Variants in SEZ6L observed in about 807,000 individuals in gnomAD.
SEZ6L encodes the protein seizure related 6 homolog like.
SEZ6L carries 37 observed loss-of-function variants against 106.2 expected under a neutral mutation model. The observed-to-expected ratio is 0.35, with a 90% CI of 0.27 to 0.46. The LOEUF is 0.46. Ranked by LOEUF, SEZ6L falls within the 20% of genes least tolerant of loss-of-function variation. SEZ6L has a pLI of 1.00. For missense variants in SEZ6L, 1,172 were observed against 1,332.8 expected (o/e 0.88, Z 1.88); for synonymous variants, 541 against 570.4 (o/e 0.95, Z 0.73).
intron 9 of SEZ6L, among the ~76,000 whole-genome samples, chr22:26,327,538 C>A (rs538752348): frequency 6.8e-6 from 1 of 147,040 alleles, no homozygotes; most frequent in South Asian, 2.2e-4. Context: ...ACACTACACA[C>A]ACACACCACA....
chr22:26,309,910 CA>C (rs1455457652), intron 6 of SEZ6L, among the ~76,000 whole-genome samples: 1 of 89,592 alleles, frequency 1.1e-5, no homozygotes, highest in African/African-American at 4.3e-5. Flanking sequence ...ACCCATTTTA[CA>C]GATGAGAAAA....
In SEZ6L at chr22:26,311,938, A is replaced by T. The variant is rs1205289703; in HGVS notation, c.1852A>T (p.Asn618Tyr). 6.2e-7 allele frequency: 1 copy of T among 1,614,074 alleles called. No individual in the cohort carries two copies. The highest frequency in any genetic ancestry group is 8.5e-7 in the Non-Finnish European group (1 of 1,180,004). ...ECINVRDPYW[N>Y]DTEPLCRAMC... ...CATCAATGTGCGGGACCCATACTGG[A>T]ATGACACAGAGCCCCTGTGCAGAGG... Residue 618 changes from asparagine (N) to tyrosine (Y), a missense_variant, in exon 8 of 17, where the codon AAT becomes TAT. Coordinates refer to ENST00000248933, the MANE Select transcript of SEZ6L (RefSeq NM_021115.5).
At chr22:26,178,716 A>C (rs928615263) in intron 1 of SEZ6L, among the ~76,000 whole-genome samples, 1 of 152,152 alleles carries the variant, frequency 6.6e-6, no homozygotes, top group African/African-American at 2.4e-5. Flanking sequence ...CGTACACCAT[A>C]ATAAAAAAGA....
chr22:26,355,558 C>T (rs2083412618), intron 12 of SEZ6L, among the ~76,000 whole-genome samples: 1 of 152,096 alleles, frequency 6.6e-6, no homozygotes. Flanking sequence ...GTGAAACCCC[C>T]GTCTCTACTA....
chr22:26,255,729 A>G (rs1602181252), intron 1 of SEZ6L, among the ~76,000 whole-genome samples: 1 of 152,236 alleles, frequency 6.6e-6, no homozygotes, highest in Non-Finnish European at 1.5e-5. Context: ...CAGAGGCAGG[A>G]GAGGGTAACG....
At chr22:26,303,486 G>C (rs1601437327) in intron 5 of SEZ6L, among the ~76,000 whole-genome samples, 1 of 152,172 alleles carries the variant, frequency 6.6e-6, no homozygotes, top group Non-Finnish European at 1.5e-5. Flanking sequence ...GGATTAGCAG[G>C]TTATCATAAA....
intron 11 of SEZ6L, among the ~76,000 whole-genome samples, chr22:26,348,274 T>C (rs2083075349): frequency 6.6e-6 from 1 of 151,730 alleles, no homozygotes; most frequent in Non-Finnish European, 1.5e-5. Flanking sequence ...GGTGGGAGGA[T>C]CACTTGAGCC....
intron 1 of SEZ6L, among the ~76,000 whole-genome samples, chr22:26,212,018 C>T (rs917052366): frequency 1.3e-5 from 2 of 151,784 alleles, no homozygotes; most frequent in African/African-American, 4.8e-5. Flanking sequence ...GGAAAGATTT[C>T]CCAGTGAAAT....
chr22:26,322,933 C>T (rs1330327975), intron 9 of SEZ6L, among the ~76,000 whole-genome samples: 1 of 152,244 alleles, frequency 6.6e-6, no homozygotes, highest in African/African-American at 2.4e-5. Context: ...CATTCATTCT[C>T]TCTCCACACC....
chr22:26,245,209 C>T (rs1285651119), intron 1 of SEZ6L, among the ~76,000 whole-genome samples: 1 of 152,056 alleles, frequency 6.6e-6, no homozygotes, highest in Non-Finnish European at 1.5e-5. Flanking sequence ...CCATGGCAAC[C>T]TTTTGCTTGC....
intron 1 of SEZ6L, among the ~76,000 whole-genome samples, chr22:26,195,438 G>A (rs1204554761): frequency 2.0e-5 from 3 of 152,054 alleles, no homozygotes; most frequent in Non-Finnish European, 4.4e-5. Context: ...CGAAAATGGG[G>A]GTACTCATGC....
intron 13 of SEZ6L, among the ~76,000 whole-genome samples, chr22:26,369,743 T>A (rs2146071156): frequency 6.6e-6 from 1 of 152,180 alleles, no homozygotes; most frequent in Admixed American, 6.5e-5. Flanking sequence ...CATTCCCCCA[T>A]AATTTTGACT....
At chr22:26,263,774 C>A (rs1021273441) in intron 1 of SEZ6L, among the ~76,000 whole-genome samples, 24 of 152,172 alleles carry the variant, frequency 1.6e-4, no homozygotes, top group African/African-American at 5.8e-4. Flanking sequence ...GAAGCCTGGG[C>A]ATCCTCCTTG....
intron 8 of SEZ6L, 135 bp from the exon 9 acceptor site, chr22:26,313,629 C>A: frequency 1.1e-6 from 1 of 918,870 alleles, no homozygotes; most frequent in Non-Finnish European, 1.7e-6. Flanking sequence ...TGCTGGCTGC[C>A]CGAGGTGAAG....
At chr22:26,352,117 T>C (rs887010915) in intron 12 of SEZ6L, among the ~76,000 whole-genome samples, 3 of 147,526 alleles carry the variant, frequency 2.0e-5, no homozygotes, top group Admixed American at 7.0e-5. Flanking sequence ...GCTGTGATTA[T>C]GTCACTGTAC....
intron 11 of SEZ6L, among the ~76,000 whole-genome samples, chr22:26,350,279 G>A (rs1221642378): frequency 6.6e-6 from 1 of 151,490 alleles, no homozygotes; most frequent in Non-Finnish European, 1.5e-5. Flanking sequence ...CCAGGCTGGA[G>A]TGCAGTGGTG....
At chr22:26,301,361 G>C (rs1329621997) in intron 5 of SEZ6L, among the ~76,000 whole-genome samples, 4 of 152,262 alleles carry the variant, frequency 2.6e-5, no homozygotes, top group African/African-American at 9.6e-5. Flanking sequence ...AGCGCCCACT[G>C]TGTGGTAGGC....
At chr22:26,260,767 A>T (rs949006009) in intron 1 of SEZ6L, among the ~76,000 whole-genome samples, 1 of 152,204 alleles carries the variant, frequency 6.6e-6, no homozygotes, top group Non-Finnish European at 1.5e-5. Context: ...TTGCTGGATC[A>T]AATGGTAGTT....
At position 26,267,812 on chromosome 22, in the gene SEZ6L, C is replaced by T. The variant is rs76668443; in HGVS notation, c.95-24594C>T. Among the ~76,000 whole-genome samples, 837 of 152,180 alleles carry T rather than the reference C, an allele frequency of 5.5e-3. 9 individuals carry two copies. Among genetic ancestry groups the T allele is most frequent in the African/African-American group, 0.018 (762 of 41,506 alleles). On this transcript the variant is annotated intron_variant, in intron 1 of 16. Coordinates refer to ENST00000248933, the MANE Select transcript of SEZ6L (RefSeq NM_021115.5). ...ATTTAAGGTCAGATGAGAGGGGTCA[C>T]CAGGACTGCAGGGAAGGTGACTGAA...
Sources: gnomAD v4.1 joint callset for allele counts (sites outside exome capture counted in the v4.1 genomes callset) on GRCh38, gnomAD v4.1.1 for gene constraint, MANE v1.5 for transcripts, NCBI Gene and HGNC (gene_info 2026-07-23, HGNC 2026-07-21) for gene names.